Variants in REDIC1 observed in about 807,000 individuals in gnomAD.
REDIC1 encodes regulator of DNA class I crossover intermediates 1.
chr12:39,667,282 G>A, the REDIC1 span, among the ~76,000 whole-genome samples: 1 of 152,126 alleles, frequency 6.6e-6, no homozygotes, highest in Admixed American at 6.5e-5. Context: ...GTTCTCATTG[G>A]TTTCAAAGAA....
the REDIC1 span, among the ~76,000 whole-genome samples, chr12:39,798,441 A>G: frequency 6.6e-6 from 1 of 152,264 alleles, no homozygotes; most frequent in Non-Finnish European, 1.5e-5. Flanking sequence ...ATTAACTTGA[A>G]TAAGTAACTG....
At chr12:39,626,473 C>G in the REDIC1 span, 102 of 1,348,836 alleles carry the variant, frequency 7.6e-5, no homozygotes, top group Non-Finnish European at 3.9e-5. Context: ...AGGAAAGGGT[C>G]TTTTTATTGT....
the REDIC1 span, among the ~76,000 whole-genome samples, chr12:39,822,188 C>A: frequency 6.6e-6 from 1 of 150,610 alleles, no homozygotes; most frequent in East Asian, 2.0e-4. Context: ...TTTCTTCTTG[C>A]GATAGTTTAC....
the REDIC1 span, among the ~76,000 whole-genome samples, chr12:39,880,964 A>G: frequency 2.0e-5 from 3 of 152,344 alleles, no homozygotes; most frequent in South Asian, 6.2e-4. Flanking sequence ...GGGACTTCAC[A>G]TAGGCTCACA....
chr12:39,842,589 C>G, the REDIC1 span, among the ~76,000 whole-genome samples: 457 of 152,072 alleles, frequency 3.0e-3, 2 homozygotes, highest in East Asian at 0.022. Context: ...AAGTGGTGAT[C>G]ACTCACTATA....
the REDIC1 span, among the ~76,000 whole-genome samples, chr12:39,783,316 T>A: frequency 6.6e-6 from 1 of 152,240 alleles, no homozygotes; most frequent in Non-Finnish European, 1.5e-5. Context: ...TTGTGAATAG[T>A]GCCGCAATAA....
At chr12:39,737,818 A>T in the REDIC1 span, among the ~76,000 whole-genome samples, 1 of 152,132 alleles carries the variant, frequency 6.6e-6, no homozygotes, top group Non-Finnish European at 1.5e-5. Context: ...CATGTATTTT[A>T]TTGGATATTT....
At chr12:39,856,059 T>C in the REDIC1 span, among the ~76,000 whole-genome samples, 2 of 152,184 alleles carry the variant, frequency 1.3e-5, no homozygotes, top group Non-Finnish European at 2.9e-5. Flanking sequence ...AAGTAAACTT[T>C]GAAGAAACAA....
the REDIC1 span, among the ~76,000 whole-genome samples, chr12:39,857,436 T>C: frequency 2.0e-5 from 3 of 152,338 alleles, no homozygotes; most frequent in Non-Finnish European, 4.4e-5. Flanking sequence ...TTTTCATCTA[T>C]TATCCAGCTA....
chr12:39,764,448 ATAT>A, the REDIC1 span: 7 of 1,547,650 alleles, frequency 4.5e-6, no homozygotes, highest in Non-Finnish European at 6.1e-6. Flanking sequence ...GTTAGAAAAA[ATAT>A]TATCTTACCA....
the REDIC1 span, among the ~76,000 whole-genome samples, chr12:39,744,798 C>A: frequency 6.6e-6 from 1 of 151,900 alleles, no homozygotes; most frequent in African/African-American, 2.4e-5. Context: ...ATAATTGGAA[C>A]AAAGTACAAG....
the REDIC1 span, among the ~76,000 whole-genome samples, chr12:39,645,961 G>A: frequency 6.6e-6 from 1 of 151,990 alleles, no homozygotes; most frequent in Non-Finnish European, 1.5e-5. Context: ...TATAGTTTGG[G>A]TGGGTGTATC....
the REDIC1 span, among the ~76,000 whole-genome samples, chr12:39,860,435 T>C: frequency 6.6e-6 from 1 of 152,202 alleles, no homozygotes; most frequent in Non-Finnish European, 1.5e-5. Context: ...GTGAACAAGA[T>C]GTTGCCCATG....
chr12:39,820,714 AATTTATATATATATATATATATATATAT>A, the REDIC1 span, among the ~76,000 whole-genome samples: 1 of 45,384 alleles, frequency 2.2e-5, no homozygotes, highest in Non-Finnish European at 4.4e-5. Context: ...TAAATTTTTA[AATTTATATATATATATATATATATATAT>A]ATATATATAT....
chr12:39,901,227 C>T, the REDIC1 span, among the ~76,000 whole-genome samples: 4 of 152,150 alleles, frequency 2.6e-5, no homozygotes, highest in African/African-American at 9.7e-5. Flanking sequence ...AGACCTGAAA[C>T]CATAAAAACC....
At chr12:39,788,917 G>A in the REDIC1 span, among the ~76,000 whole-genome samples, 2 of 152,080 alleles carry the variant, frequency 1.3e-5, no homozygotes, top group African/African-American at 4.8e-5. Context: ...CCTCCTTAGA[G>A]TTCTTTTCTA....
chr12:39,779,202 G>C, the REDIC1 span, among the ~76,000 whole-genome samples: 2 of 152,178 alleles, frequency 1.3e-5, no homozygotes, highest in African/African-American at 4.8e-5. Flanking sequence ...ACTTTGGCAA[G>C]CCATTCAACC....
At chr12:39,763,816 C>T in the REDIC1 span, among the ~76,000 whole-genome samples, 3 of 152,222 alleles carry the variant, frequency 2.0e-5, no homozygotes, top group South Asian at 2.1e-4. Context: ...TTTCCTGACT[C>T]AGCCACTAAG....
At chr12:39,639,467 C>T in the REDIC1 span, among the ~76,000 whole-genome samples, 1 of 151,904 alleles carries the variant, frequency 6.6e-6, no homozygotes, top group Non-Finnish European at 1.5e-5. Flanking sequence ...CAGGGGTATT[C>T]AGTAATTGTC....
Sources: allele counts gnomAD v4.1 joint callset (sites outside exome capture counted in the v4.1 genomes callset), GRCh38; gene constraint gnomAD v4.1.1; transcripts MANE v1.5; gene names NCBI Gene and HGNC (gene_info 2026-07-23, HGNC 2026-07-21).